NALF1: variants seen among roughly 807,000 people sequenced by gnomAD.
NALF1 encodes family with sequence similarity 155 member A.
In NALF1, 3 loss-of-function variants were observed where a neutral mutation model predicts 48.4. That is an observed-to-expected ratio of 0.06 (90% CI 0.03 to 0.16). NALF1 has a LOEUF of 0.16. Among genes scored for constraint, NALF1 ranks in the 10% least tolerant of loss-of-function variants. NALF1 has a pLI of 1.00. For synonymous variants in NALF1, 262 were observed against 245.7 expected (o/e 1.07, Z -0.62); for missense variants, 526 against 571.5 (o/e 0.92, Z 0.81).
intron 1 of NALF1, among the ~76,000 whole-genome samples, chr13:107,386,020 G>A (rs536376998): frequency 2.6e-5 from 4 of 152,266 alleles, no homozygotes; most frequent in African/African-American, 9.6e-5. Context: ...ATACCTTAAG[G>A]TCTATAAAAA....
chr13:107,489,319 C>T (rs191667269), intron 1 of NALF1, among the ~76,000 whole-genome samples: 19 of 152,182 alleles, frequency 1.2e-4, no homozygotes, highest in African/African-American at 4.1e-4. Flanking sequence ...GCCTGAATAG[C>T]CAAGGCAATC....
intron 1 of NALF1, among the ~76,000 whole-genome samples, chr13:107,848,674 A>G (rs1329369681): frequency 2.0e-5 from 3 of 152,166 alleles, no homozygotes; most frequent in African/African-American, 7.2e-5. Context: ...GTGGCACTTC[A>G]TGTTCAGCCT....
rs527241819 is a variant in NALF1, at chr13:107,842,709, T to A, written c.915+22973A>T. Reference sequence around the variant, plus strand: ...CATAAAGAAAGTAATTAACTTTTTTTAAAAGCTAATAAATCTCTGACAAAC... The same window carrying A: ...CATAAAGAAAGTAATTAACTTTTTTAAAAAGCTAATAAATCTCTGACAAAC... On this transcript the variant is annotated intron_variant, in intron 1 of 2. Coordinates refer to ENST00000375915, the MANE Select transcript of NALF1 (RefSeq NM_001080396.3). Among the ~76,000 whole-genome samples the A allele has an allele frequency of 7.2e-4, 109 of 152,074 alleles. 1 individual carries two copies. The highest frequency in any genetic ancestry group is 2.1e-4 in the South Asian group (1 of 4,810).
chr13:107,224,267 A>G (rs1880055404), intron 1 of NALF1, among the ~76,000 whole-genome samples: 1 of 151,770 alleles, frequency 6.6e-6, no homozygotes, highest in African/African-American at 2.4e-5. Context: ...GCAAAAATCA[A>G]ATTAATAAAG....
At chr13:107,549,280 T>C (rs1297005011) in intron 1 of NALF1, among the ~76,000 whole-genome samples, 2 of 152,198 alleles carry the variant, frequency 1.3e-5, no homozygotes, top group African/African-American at 4.8e-5. Context: ...GTAAAGAGAA[T>C]ATGAAGGATT....
At chr13:107,808,429 T>C (rs1369197909) in intron 1 of NALF1, among the ~76,000 whole-genome samples, 1 of 152,110 alleles carries the variant, frequency 6.6e-6, no homozygotes, top group Non-Finnish European at 1.5e-5. Flanking sequence ...TTTCCCAAGA[T>C]TTGTCCTACT....
rs182198156 is a variant in NALF1 at position 107,362,121 on chromosome 13, G to A, written c.916-151366C>T. On this transcript the variant is annotated intron_variant, in intron 1 of 2. Coordinates refer to ENST00000375915, the MANE Select transcript of NALF1 (RefSeq NM_001080396.3). This position sits in a 1 kb window ranked among gnomAD's most constrained non-coding sequence, Gnocchi z 4.6. ...TCAACTCTTATTTTCTTAAGCTACT[G>A]AAATTTGGGGGCTGGTTGTTACTCG... is the stretch of plus-strand genomic sequence containing the variant. 1.2e-4 allele frequency among the ~76,000 whole-genome samples: 18 copies of A among 152,232 alleles called. No individual in the cohort carries two copies. The highest frequency in any genetic ancestry group is 4.4e-5 in the Non-Finnish European group (3 of 68,014).
chr13:107,476,346 T>C (rs900822415), intron 1 of NALF1, among the ~76,000 whole-genome samples: 1 of 152,170 alleles, frequency 6.6e-6, no homozygotes, highest in Admixed American at 6.5e-5. Context: ...TTAGAATTTC[T>C]GATTTCCCTT....
At chr13:107,301,774 G>A (rs935458231) in intron 1 of NALF1, among the ~76,000 whole-genome samples, 1 of 151,886 alleles carries the variant, frequency 6.6e-6, no homozygotes, top group African/African-American at 2.4e-5. Context: ...CACATATTTT[G>A]GAAAGTAAAA....
chr13:107,746,381 G>A (rs1294324040), intron 1 of NALF1, among the ~76,000 whole-genome samples: 2 of 152,056 alleles, frequency 1.3e-5, no homozygotes, highest in Admixed American at 6.6e-5. Context: ...AATAAATATC[G>A]ATAACTGAAT....
At chr13:107,415,438 T>C (rs1884069262) in intron 1 of NALF1, among the ~76,000 whole-genome samples, 1 of 151,802 alleles carries the variant, frequency 6.6e-6, no homozygotes, top group South Asian at 2.1e-4. Flanking sequence ...CAACAGTACA[T>C]ACTGTACTAC....
intron 1 of NALF1, among the ~76,000 whole-genome samples, chr13:107,620,637 C>T (rs183639946): frequency 5.0e-4 from 76 of 152,238 alleles, no homozygotes; most frequent in Admixed American, 1.4e-3. Flanking sequence ...TACTCTTTGG[C>T]CAGTTAGGAT....
chr13:107,408,771 A>G lies in NALF1; in HGVS notation c.916-198016T>C, dbSNP rs2138998591. Among the ~76,000 whole-genome samples the G allele has an allele frequency of 2.0e-5, 3 of 152,272 alleles. No homozygotes were observed. In the South Asian group the frequency reaches 6.2e-4, roughly 32 times the overall value. On this transcript the variant is annotated intron_variant, in intron 1 of 2. Coordinates refer to ENST00000375915, the MANE Select transcript of NALF1 (RefSeq NM_001080396.3). ...AGAGAAAGGCATATGGTAAAATACT[A>G]CACAGTGAATAAATGATATAGGGGG...
At chr13:107,861,590 C>T (rs186596409) in intron 1 of NALF1, among the ~76,000 whole-genome samples, 2 of 152,294 alleles carry the variant, frequency 1.3e-5, no homozygotes, top group African/African-American at 2.4e-5. Context: ...CGAGACCATC[C>T]TGGCTTACAT....
chr13:107,217,464 AC>A (rs2138811635), intron 1 of NALF1, among the ~76,000 whole-genome samples: 1 of 152,292 alleles, frequency 6.6e-6, no homozygotes, highest in South Asian at 2.1e-4. Flanking sequence ...TTTCTGGGCA[AC>A]CGTCCATCCT....
chr13:107,564,993 G>A (rs532688122), intron 1 of NALF1, among the ~76,000 whole-genome samples: 10 of 146,726 alleles, frequency 6.8e-5, no homozygotes, highest in Non-Finnish European at 1.3e-4. Context: ...AACATGGGCA[G>A]GAAGGAGGTG....
intron 1 of NALF1, among the ~76,000 whole-genome samples, chr13:107,250,718 G>C (rs116536942): frequency 6.8e-6 from 1 of 146,934 alleles, no homozygotes; most frequent in Admixed American, 6.8e-5. Flanking sequence ...ATATGGTTTG[G>C]ATTTGTGTCT....
At chr13:107,545,680 C>T (rs1877117915) in intron 1 of NALF1, among the ~76,000 whole-genome samples, 1 of 151,924 alleles carries the variant, frequency 6.6e-6, no homozygotes, top group Non-Finnish European at 1.5e-5. Flanking sequence ...GCAAGACGTA[C>T]GACGCATCCC....
At chr13:107,242,930 C>A (rs543047024) in intron 1 of NALF1, among the ~76,000 whole-genome samples, 1 of 152,238 alleles carries the variant, frequency 6.6e-6, no homozygotes, top group Admixed American at 6.5e-5. Flanking sequence ...TAGGAAGTCT[C>A]CAAGGTGTCT....
Sources: allele counts gnomAD v4.1 joint callset (sites outside exome capture counted in the v4.1 genomes callset), GRCh38; gene constraint gnomAD v4.1.1; non-coding constraint Gnocchi (gnomAD v3.1); transcripts MANE v1.5; gene names NCBI Gene and HGNC (gene_info 2026-07-23, HGNC 2026-07-21).